The following CAMSAP1 variants were observed in gnomAD, a reference collection of about 807,000 sequenced individuals.
The protein encoded by CAMSAP1 is calmodulin-regulated spectrin-associated protein 1.
A neutral mutation model predicts 143.5 loss-of-function variants in CAMSAP1; 58 were observed. That is an observed-to-expected ratio of 0.40 (90% CI 0.33 to 0.50). The LOEUF is 0.50. Ranked by LOEUF, CAMSAP1 falls within the 20% of genes least tolerant of loss-of-function variation. The probability of loss-of-function intolerance (pLI) is 0.45; values close to 1 mark genes in which losing one functional copy is unlikely to be tolerated. For missense variants in CAMSAP1, 1,969 were observed against 2,115.7 expected, an observed-to-expected ratio of 0.93 and a Z score of 1.36; for synonymous variants, 945 against 859.3, an observed-to-expected ratio of 1.10 and a Z score of -1.74.
At chr9:135,857,959 T>C (rs1837037110) in intron 5 of CAMSAP1, among the ~76,000 whole-genome samples, 1 of 152,166 alleles carries the variant, frequency 6.6e-6, no homozygotes, top group Non-Finnish European at 1.5e-5. Context: ...CCGCATCTAC[T>C]GAGGGCATGT....
rs150551368 is a variant in CAMSAP1, at chr9:135,811,529, T to G, written c.4589A>C (p.Tyr1530Ser). 4.4e-6 allele frequency: 7 copies of G among 1,607,528 alleles called. No individual in the cohort carries two copies. The African/African-American group carries it at 9.4e-5, about 21-fold the overall frequency. The change falls in exon 17 of 17, where the codon TAT (tyrosine) becomes TCT (serine). Residue 1530 changes from tyrosine to serine, a missense_variant. By Grantham distance (144) the Tyr-to-Ser change is moderately radical. Around this residue, in one of 4 missense-constraint regions of CAMSAP1, gnomAD observed 143 missense variants for 200.6 expected, o/e 0.71. Transcript: ENST00000389532. The surrounding 1 kb of genome is among the most constrained non-coding windows in gnomAD (Gnocchi z 4.9). Reference sequence around the variant, plus strand: ...TTTGTAGATTTCCTCAGTATCAGGATAGTAGCAGTAAAGCGCCCTGAACTG... The same window carrying G: ...TTTGTAGATTTCCTCAGTATCAGGAGAGTAGCAGTAAAGCGCCCTGAACTG... ...GCQFRALYCY[Y>S]PDTEEIYKLT...
chr9:135,851,857 C>A (rs144558758), intron 5 of CAMSAP1, among the ~76,000 whole-genome samples: 1 of 152,234 alleles, frequency 6.6e-6, no homozygotes, highest in Admixed American at 6.5e-5. Flanking sequence ...GCTGTCTATG[C>A]GTGTACAGAC....
intron 1 of CAMSAP1, among the ~76,000 whole-genome samples, chr9:135,901,046 G>A (rs1289671382): frequency 6.6e-6 from 1 of 152,084 alleles, no homozygotes; most frequent in East Asian, 1.9e-4. Flanking sequence ...GAGCCACCAC[G>A]CCTAGCCTCA....
Position 135,866,439 on chromosome 9 carries a change from T to C in CAMSAP1, c.666+17A>G, listed in dbSNP as rs984510434. 7.7e-7 allele frequency: 1 copy of C among 1,302,602 alleles called. No individual in the cohort carries two copies. The highest frequency in any genetic ancestry group is 1.5e-5 in the African/African-American group (1 of 67,748). 80.7% of individuals were successfully genotyped at this position (1,302,602 alleles called of 1,614,324 possible). The stretch of plus-strand genomic sequence containing the variant: ...ATTAACTTAGTGCATTCCAGAAAAA[T>C]TAAATTTACCCTTTACCTTTTGATG... On this transcript the variant is annotated intron_variant, in intron 4 of 16. Transcript: ENST00000389532.
chr9:135,811,595 T>C lies in CAMSAP1; in HGVS notation c.4523A>G (p.Asp1508Gly), dbSNP rs1022683483. ...NSILEELEKC[D>G]ANHYIILFRD... ...AAACAGTATGATGTAGTGATTGGCATCACACTTCTCCAGCTCCTGTGCAGA... is the reference window on the plus strand; with the variant it reads ...AAACAGTATGATGTAGTGATTGGCACCACACTTCTCCAGCTCCTGTGCAGA... Residue 1508 changes from aspartate (D) to glycine (G), a missense_variant, in exon 17 of 17, where the codon GAT becomes GGT. Transcript: ENST00000389532. The surrounding 1 kb of genome is among the most constrained non-coding windows in gnomAD (Gnocchi z 4.9). The C allele has an allele frequency of 4.4e-6, 7 of 1,590,594 alleles. No homozygotes were observed. The highest frequency in any genetic ancestry group is 6.0e-6 in the Non-Finnish European group (7 of 1,168,050).
chr9:135,907,273 G>A lies in CAMSAP1; in HGVS notation c.-114C>T, dbSNP rs1022048554. ...CACTCGGCCCCGCAGCCGGCCAGCC[G>A]GGAGGGGCGCCCGAGCGCGGCCCCC... On this transcript the variant is annotated 5_prime_UTR_variant, in exon 1 of 17. Transcript: ENST00000389532. 62 of 657,212 alleles carry A rather than the reference G, an allele frequency of 9.4e-5. No homozygotes were observed. In the African/African-American group the frequency reaches 1.1e-3, roughly 12 times the overall value. 40.7% of individuals were successfully genotyped at this position (657,212 alleles called of 1,614,324 possible). A position where few individuals can be genotyped will look rare whatever the true frequency, so the allele number is the denominator to read the frequency against.
intron 1 of CAMSAP1, among the ~76,000 whole-genome samples, chr9:135,886,165 C>T (rs1013280592): frequency 1.3e-5 from 2 of 151,870 alleles, no homozygotes; most frequent in Non-Finnish European, 2.9e-5. Context: ...CACATTCATT[C>T]GACAATTATT....
At chr9:135,852,966 C>G (rs747341245) in intron 5 of CAMSAP1, among the ~76,000 whole-genome samples, 1 of 152,192 alleles carries the variant, frequency 6.6e-6, no homozygotes, top group African/African-American at 2.4e-5. Context: ...GCCATCCACA[C>G]GTGGAGAGAC....
rs1055441124 is a variant in CAMSAP1 at position 135,882,040 on chromosome 9, C to T, written c.424-246G>A. 1.2e-4 allele frequency among the ~76,000 whole-genome samples: 18 copies of T among 152,234 alleles called. No homozygotes were observed. The highest frequency in any genetic ancestry group is 3.9e-4 in the African/African-American group (16 of 41,462). On this transcript the variant is annotated intron_variant, in intron 2 of 16. Coordinates refer to ENST00000389532, the MANE Select transcript of CAMSAP1 (RefSeq NM_015447.4). This position sits in a 1 kb window ranked among gnomAD's most constrained non-coding sequence, Gnocchi z 4.9. Reference sequence around the variant, plus strand: ...CCGTTCTCAGGCAGGCAGGCCAGCCCTGTGGCCCACAGTGCACTGTCTCAC... The same window carrying T: ...CCGTTCTCAGGCAGGCAGGCCAGCCTTGTGGCCCACAGTGCACTGTCTCAC...
chr9:135,886,566 T>C (rs1251871534), intron 1 of CAMSAP1, among the ~76,000 whole-genome samples: 2 of 152,242 alleles, frequency 1.3e-5, no homozygotes, highest in South Asian at 2.1e-4. Flanking sequence ...CAGGCTCTTG[T>C]GCGTGCCTGC....
chr9:135,870,476 C>T (rs1837534179), intron 3 of CAMSAP1, among the ~76,000 whole-genome samples: 1 of 152,116 alleles, frequency 6.6e-6, no homozygotes, highest in Admixed American at 6.6e-5. Context: ...CAGATTAATA[C>T]AACACCCTTA....
At chr9:135,900,707 G>C (rs560886586) in intron 1 of CAMSAP1, among the ~76,000 whole-genome samples, 2 of 152,028 alleles carry the variant, frequency 1.3e-5, no homozygotes, top group South Asian at 2.1e-4. Flanking sequence ...AAAAAAGAAA[G>C]AGAGGACTAG....
intron 1 of CAMSAP1, among the ~76,000 whole-genome samples, chr9:135,883,541 GAGCCC>G (rs1838027467): frequency 6.6e-6 from 1 of 152,212 alleles, no homozygotes; most frequent in South Asian, 2.1e-4. Context: ...CCCGGGGAGG[GAGCCC>G]AGCATCCTCT....
intron 8 of CAMSAP1, among the ~76,000 whole-genome samples, chr9:135,825,270 G>A (rs907965891): frequency 1.3e-5 from 2 of 152,184 alleles, no homozygotes; most frequent in African/African-American, 4.8e-5. Flanking sequence ...GAGAACTTCA[G>A]AGATAAAAGA....
rs767938829 is a variant in CAMSAP1, at chr9:135,818,572, G to A, written c.4004C>T (p.Ala1335Val). ...CTCCTGCTTGATGAGCTCGCGCCGCGCCTTCTCCTCCTCCTTCCGCACCCG... is the reference window on the plus strand; with the variant it reads ...CTCCTGCTTGATGAGCTCGCGCCGCACCTTCTCCTCCTCCTTCCGCACCCG... ...EDRVRKEEEK[A>V]RRELIKQEYL... is the part of the protein sequence containing the mutation. The change falls in exon 13 of 17, where the codon GCG becomes GTG. Residue 1335 changes from alanine (A) to valine (V), a missense_variant. Ala to Val is a moderately conservative substitution (Grantham distance 64). This residue lies in a region of CAMSAP1 where 1,390 missense variants were observed against 1,420.8 expected (regional missense o/e 0.98). Coordinates refer to ENST00000389532, the MANE Select transcript of CAMSAP1 (RefSeq NM_015447.4). The surrounding 1 kb of genome is among the most constrained non-coding windows in gnomAD (Gnocchi z 7.7). 3 of 1,613,292 alleles carry A rather than the reference G, an allele frequency of 1.9e-6. No homozygotes were observed. The highest frequency in any genetic ancestry group is 1.7e-5 in the Admixed American group (1 of 60,022).
At chr9:135,893,644 T>A (rs1437298635) in intron 1 of CAMSAP1, among the ~76,000 whole-genome samples, 2 of 152,120 alleles carry the variant, frequency 1.3e-5, no homozygotes, top group Non-Finnish European at 2.9e-5. Context: ...ACAGTAAACA[T>A]ATAATGGATG....
intron 7 of CAMSAP1, among the ~76,000 whole-genome samples, chr9:135,829,663 G>C (rs1835789271): frequency 6.6e-6 from 1 of 152,046 alleles, no homozygotes; most frequent in African/African-American, 2.4e-5. Context: ...AGACCAGCCT[G>C]GCCACATGGT....
intron 5 of CAMSAP1, among the ~76,000 whole-genome samples, chr9:135,856,346 G>A (rs1182173442): frequency 6.6e-6 from 1 of 152,206 alleles, no homozygotes; most frequent in Non-Finnish European, 1.5e-5. Flanking sequence ...CAGATCTCAT[G>A]AGATTTATTC....
chr9:135,881,862 C>T (rs1034360811), intron 2 of CAMSAP1, 68 bp from the exon 3 acceptor site: 20 of 1,521,146 alleles, frequency 1.3e-5, no homozygotes, highest in Non-Finnish European at 1.8e-5. Context: ...ATGCAGGGAA[C>T]CTGCTCATAC....
Sources: allele counts gnomAD v4.1 joint callset (sites outside exome capture counted in the v4.1 genomes callset), GRCh38; gene constraint gnomAD v4.1.1; regional missense constraint gnomAD v4.1.1; non-coding constraint Gnocchi (gnomAD v3.1); transcripts MANE v1.5; gene names NCBI Gene and HGNC (gene_info 2026-07-23, HGNC 2026-07-21).